The following ST6GALNAC5 variants were observed in gnomAD, a reference collection of about 807,000 sequenced individuals.
ST6GALNAC5 encodes alpha-N-acetylgalactosaminide alpha-2,6-sialyltransferase 5.
In ST6GALNAC5, 27 loss-of-function variants were observed where a neutral mutation model predicts 33.6. The observed-to-expected ratio is 0.80, with a 90% confidence interval of 0.59 to 1.11. The LOEUF (loss-of-function observed/expected upper bound fraction) is 1.11. Among genes scored for constraint, ST6GALNAC5 ranks in the 50% least tolerant of loss-of-function variants. The pLI, the probability that ST6GALNAC5 is intolerant of heterozygous loss-of-function variation, is 0.00. For synonymous variants in ST6GALNAC5, 194 were observed against 171.2 expected, an observed-to-expected ratio of 1.13 and a Z score of -1.04; for missense variants, 428 against 454.0, an observed-to-expected ratio of 0.94 and a Z score of 0.52.
intron 2 of ST6GALNAC5, among the ~76,000 whole-genome samples, chr1:76,966,178 T>A (rs1648468200): frequency 6.6e-6 from 1 of 152,198 alleles, no homozygotes; most frequent in South Asian, 2.1e-4. Context: ...ATTGAATCTA[T>A]AAATTACCTT....
At chr1:76,886,705 T>A (rs556534074) in intron 2 of ST6GALNAC5, among the ~76,000 whole-genome samples, 2 of 152,206 alleles carry the variant, frequency 1.3e-5, no homozygotes, top group Non-Finnish European at 2.9e-5. Context: ...TAACTCCTTA[T>A]TCTCCTCTTC....
At chr1:76,874,372 A>G (rs1238018853) in intron 2 of ST6GALNAC5, among the ~76,000 whole-genome samples, 1 of 152,202 alleles carries the variant, frequency 6.6e-6, no homozygotes, top group Admixed American at 6.5e-5. Flanking sequence ...AACCAAGCTA[A>G]ATCTCATAAT....
chr1:76,936,158 G>A (rs148986717), intron 2 of ST6GALNAC5, among the ~76,000 whole-genome samples: 1 of 152,100 alleles, frequency 6.6e-6, no homozygotes, highest in Non-Finnish European at 1.5e-5. Flanking sequence ...ACCTCTAGTT[G>A]GGTGGCATAT....
Position 77,043,875 on chromosome 1 carries a change from C to A in ST6GALNAC5, c.262-329C>A, listed in dbSNP as rs138369456. Among the ~76,000 whole-genome samples the A allele has an allele frequency of 7.2e-5, 11 of 152,290 alleles. No individual in the cohort carries two copies. In the East Asian group the frequency reaches 1.7e-3, roughly 24 times the overall value. On this transcript the variant is annotated intron_variant, in intron 2 of 4. Coordinates refer to ENST00000477717, the MANE Select transcript of ST6GALNAC5 (RefSeq NM_030965.3). ...GGACAAATTTGTTAACATCTCTATG[C>A]TTAAGTATCTTCATCTGTAAAATGA...
intron 2 of ST6GALNAC5, among the ~76,000 whole-genome samples, chr1:76,915,033 A>T (rs571201918): frequency 0.013 from 2,026 of 152,074 alleles, 45 homozygotes; most frequent in African/African-American, 0.046. Flanking sequence ...TGGGCAAAGG[A>T]TATGAACAGA....
intron 2 of ST6GALNAC5, among the ~76,000 whole-genome samples, chr1:76,937,011 T>C (rs1038917762): frequency 4.0e-5 from 6 of 149,420 alleles, no homozygotes; most frequent in African/African-American, 1.2e-4. Flanking sequence ...AGGGGAGCTA[T>C]AAGAGACATA....
chr1:77,050,452 G>A, intron 4 of ST6GALNAC5, 87 bp downstream of exon 4: 1 of 1,261,680 alleles, frequency 7.9e-7, no homozygotes, highest in Non-Finnish European at 1.1e-6. Context: ...CATGAAACAT[G>A]TCTAACTGTC....
At chr1:76,929,054 A>C (rs1301694383) in intron 2 of ST6GALNAC5, among the ~76,000 whole-genome samples, 1 of 152,172 alleles carries the variant, frequency 6.6e-6, no homozygotes, top group Non-Finnish European at 1.5e-5. Context: ...TTTCAAAAAT[A>C]TTTGTTGAAT....
At chr1:76,914,538 A>G (rs1213961668) in intron 2 of ST6GALNAC5, among the ~76,000 whole-genome samples, 4 of 152,192 alleles carry the variant, frequency 2.6e-5, no homozygotes, top group South Asian at 2.1e-4. Flanking sequence ...ATAACACTGC[A>G]TATCTACAAC....
At chr1:76,879,396 A>G (rs182582439) in intron 2 of ST6GALNAC5, among the ~76,000 whole-genome samples, 20 of 152,316 alleles carry the variant, frequency 1.3e-4, no homozygotes, top group Admixed American at 1.2e-3. Context: ...ATCCAACTCT[A>G]TGTTCCTTCC....
chr1:76,948,199 A>G (rs1647598114), intron 2 of ST6GALNAC5, among the ~76,000 whole-genome samples: 1 of 152,090 alleles, frequency 6.6e-6, no homozygotes, highest in Non-Finnish European at 1.5e-5. Context: ...TGCCTTGTGA[A>G]ACCCCCCACC....
rs113783997 is a variant in ST6GALNAC5 at position 76,910,501 on chromosome 1, G to C, written c.261+41759G>C. ...ATTTTTATTTAGACATAGATAAGAGGTTTCATGTTTTTGACTGTTCTAACT... is the reference window on the plus strand; with the variant it reads ...ATTTTTATTTAGACATAGATAAGAGCTTTCATGTTTTTGACTGTTCTAACT... On this transcript the variant is annotated intron_variant, in intron 2 of 4. Transcript: ENST00000477717. Among the ~76,000 whole-genome samples the C allele has an allele frequency of 5.9e-5, 9 of 152,060 alleles. 1 individual carries two copies. The highest frequency in any genetic ancestry group is 2.2e-4 in the African/African-American group (9 of 41,514).
At chr1:76,947,189 AATG>A (rs544861056) in intron 2 of ST6GALNAC5, among the ~76,000 whole-genome samples, 1 of 152,130 alleles carries the variant, frequency 6.6e-6, no homozygotes. Flanking sequence ...CATCTAGGTC[AATG>A]ATAATACAAA....
chr1:76,958,063 A>T, intron 2 of ST6GALNAC5, among the ~76,000 whole-genome samples: 1 of 152,112 alleles, frequency 6.6e-6, no homozygotes, highest in East Asian at 1.9e-4. Context: ...CATTTTTGAA[A>T]AGAGTTCCCC....
intron 2 of ST6GALNAC5, among the ~76,000 whole-genome samples, chr1:77,033,324 C>T (rs555550921): frequency 1.5e-4 from 23 of 152,322 alleles, no homozygotes; most frequent in South Asian, 6.2e-4. Flanking sequence ...TGTGCAGAAT[C>T]GCTGCCTCAT....
intron 2 of ST6GALNAC5, among the ~76,000 whole-genome samples, chr1:76,962,398 A>C (rs919284193): frequency 3.9e-5 from 6 of 152,224 alleles, no homozygotes; most frequent in African/African-American, 1.4e-4. Context: ...TGGAAAGTCA[A>C]AAGGACTTGA....
At chr1:76,885,703 T>C (rs1256091547) in intron 2 of ST6GALNAC5, among the ~76,000 whole-genome samples, 1 of 152,254 alleles carries the variant, frequency 6.6e-6, no homozygotes, top group Non-Finnish European at 1.5e-5. Flanking sequence ...ATCCAGAAGA[T>C]ATATTCATCC....
At chr1:76,970,081 C>T (rs565941559) in intron 2 of ST6GALNAC5, among the ~76,000 whole-genome samples, 2 of 152,084 alleles carry the variant, frequency 1.3e-5, no homozygotes, top group African/African-American at 4.8e-5. Flanking sequence ...GTAGAGAAAA[C>T]CAAAAAGATG....
intron 2 of ST6GALNAC5, among the ~76,000 whole-genome samples, chr1:76,994,018 A>G (rs991741934): frequency 2.0e-5 from 3 of 152,194 alleles, no homozygotes; most frequent in Admixed American, 1.3e-4. Context: ...AGTAACACAC[A>G]CTGTGAAATA....
Sources: gnomAD v4.1 joint callset for allele counts (sites outside exome capture counted in the v4.1 genomes callset) on GRCh38, gnomAD v4.1.1 for gene constraint, MANE v1.5 for transcripts, NCBI Gene and HGNC (gene_info 2026-07-23, HGNC 2026-07-21) for gene names.